Variants in BCR observed in about 807,000 individuals in gnomAD.
The protein encoded by BCR is breakpoint cluster region protein.
Under a neutral mutation model 138.6 loss-of-function variants are expected in BCR, and 58 were observed. The ratio of observed to expected loss-of-function variants is 0.42; its 90% confidence interval spans 0.34 to 0.52. The LOEUF (loss-of-function observed/expected upper bound fraction) is 0.52. Among genes scored for constraint, BCR ranks in the 20% least tolerant of loss-of-function variants. The pLI is 0.06. For missense variants in BCR, 1,599 were observed against 1,727.2 expected, an observed-to-expected ratio of 0.93 and a Z score of 1.32; for synonymous variants, 786 against 730.1, an observed-to-expected ratio of 1.08 and a Z score of -1.23.
chr22:23,290,380 G>T lies in BCR; in HGVS notation c.2749G>T (p.Val917Phe). The change falls in exon 14 of 23, where the codon GTC becomes TTC. Residue 917 changes from valine (V) to phenylalanine (F), a missense_variant. Val to Phe is a conservative substitution (Grantham distance 50). Around this residue, in one of 4 missense-constraint regions of BCR, gnomAD observed 590 missense variants for 762.4 expected, o/e 0.77. Transcript: ENST00000305877. ...PGLYGFLNVI[V>F]HSATGFKQSS... Reference sequence around the variant, plus strand: ...GCTCTATGGGTTTCTGAATGTCATCGTCCACTCAGCCACTGGATTTAAGCA... The same window carrying T: ...GCTCTATGGGTTTCTGAATGTCATCTTCCACTCAGCCACTGGATTTAAGCA... The T allele has an allele frequency of 1.2e-6, 2 of 1,614,108 alleles. No individual in the cohort carries two copies. Among genetic ancestry groups the T allele is most frequent in the Non-Finnish European group, 1.7e-6 (2 of 1,179,986 alleles).
chr22:23,290,305 C>T, intron 13 of BCR, 34 bp from the exon 14 acceptor site: 1 of 1,598,938 alleles, frequency 6.3e-7, no homozygotes, highest in Non-Finnish European at 8.6e-7. Context: ...TTTCCCGGGA[C>T]AACAGAAGCT....
At chr22:23,274,064 AT>A (rs961502127) in intron 8 of BCR, among the ~76,000 whole-genome samples, 2 of 144,926 alleles carry the variant, frequency 1.4e-5, no homozygotes, top group Non-Finnish European at 3.1e-5. Context: ...CTTTTTTTTT[AT>A]CCCCCACAGT....
rs373700296 is a variant in BCR at position 23,263,155 on chromosome 22, A to G, written c.1752+1615A>G. On this transcript the variant is annotated intron_variant, in intron 4 of 22. Transcript: ENST00000305877. ...GCGGCCATGGCGGCGGCAGCCAGGG[A>G]GGAGGAGGAGGAGGCGGCTCGGGAG... is the stretch of plus-strand genomic sequence containing the variant. 6.5e-5 allele frequency: 43 copies of G among 656,852 alleles called. No homozygotes were observed. In the East Asian group the frequency reaches 8.3e-4, roughly 13 times the overall value. 40.7% of individuals were successfully genotyped at this position (656,852 alleles called of 1,614,324 possible).
At chr22:23,191,035 C>T (rs1488474069) in intron 1 of BCR, among the ~76,000 whole-genome samples, 5 of 151,870 alleles carry the variant, frequency 3.3e-5, no homozygotes, top group Non-Finnish European at 5.9e-5. Flanking sequence ...CGGGCTCAAG[C>T]GATCCTCTCT....
chr22:23,187,609 C>G (rs967509342), intron 1 of BCR, among the ~76,000 whole-genome samples: 25 of 151,930 alleles, frequency 1.6e-4, no homozygotes, highest in Admixed American at 8.5e-4. Flanking sequence ...GCTGGAATTA[C>G]AGGCGTGAGC....
chr22:23,195,615 G>A (rs2072470044), intron 1 of BCR, among the ~76,000 whole-genome samples: 2 of 151,198 alleles, frequency 1.3e-5, no homozygotes, highest in African/African-American at 4.9e-5. Context: ...GGCCGGGCGC[G>A]GTGGCTCGCG....
At chr22:23,304,086 A>G (rs907404269) in intron 16 of BCR, among the ~76,000 whole-genome samples, 1 of 144,344 alleles carries the variant, frequency 6.9e-6, no homozygotes, top group African/African-American at 2.6e-5. Flanking sequence ...GGCATGCGCC[A>G]CCATGCCAGG....
At chr22:23,215,288 C>T (rs1295413817) in intron 1 of BCR, among the ~76,000 whole-genome samples, 1 of 152,188 alleles carries the variant, frequency 6.6e-6, no homozygotes, top group African/African-American at 2.4e-5. Context: ...GCTGTGAACA[C>T]GGGTATACAT....
At position 23,237,975 on chromosome 22, in the gene BCR, G is replaced by A. The variant is rs537885261; in HGVS notation, c.1280-15824G>A. ...GAGTGCGTGAACAGGTGAGGCTTCC[G>A]GTAATTATGACAAGTGATGCTTGTG... On this transcript the variant is annotated intron_variant, in intron 1 of 22. Transcript: ENST00000305877. Among the ~76,000 whole-genome samples the A allele has an allele frequency of 5.3e-5, 8 of 152,358 alleles. No individual in the cohort carries two copies. The East Asian group carries it at 1.2e-3, about 22-fold the overall frequency.
intron 2 of BCR, chr22:23,254,653 C>T: frequency 2.0e-6 from 1 of 512,708 alleles, no homozygotes; most frequent in Non-Finnish European, 3.9e-6. Flanking sequence ...AGTTCTGATT[C>T]CTCTTGCTGG....
intron 1 of BCR, among the ~76,000 whole-genome samples, chr22:23,230,295 T>C (rs1230647796): frequency 6.6e-6 from 1 of 152,224 alleles, no homozygotes; most frequent in Non-Finnish European, 1.5e-5. Flanking sequence ...TTTTTCCATC[T>C]TGCCTGGAAT....
At chr22:23,309,533 G>T in intron 17 of BCR, 50 bp downstream of exon 17, 1 of 1,526,538 alleles carries the variant, frequency 6.6e-7, no homozygotes. Context: ...AGAAGGATAG[G>T]GTGGCCTCTG....
intron 5 of BCR, among the ~76,000 whole-genome samples, chr22:23,271,206 T>C (rs1266181635): frequency 1.3e-5 from 2 of 152,230 alleles, no homozygotes; most frequent in African/African-American, 4.8e-5. Context: ...AAGGCAGACG[T>C]GCTCCTGTAC....
chr22:23,213,103 C>T (rs182621761), intron 1 of BCR, among the ~76,000 whole-genome samples: 28 of 152,296 alleles, frequency 1.8e-4, no homozygotes, highest in Middle Eastern at 6.8e-3. Flanking sequence ...TTTGTTCTGA[C>T]GCTTGGGCTC....
intron 1 of BCR, among the ~76,000 whole-genome samples, chr22:23,253,429 T>G (rs894607698): frequency 1.3e-5 from 2 of 152,192 alleles, no homozygotes; most frequent in Non-Finnish European, 2.9e-5. Context: ...CAGCCACCTG[T>G]CATTTACTAG....
intron 1 of BCR, among the ~76,000 whole-genome samples, chr22:23,193,512 A>G (rs1007219919): frequency 6.6e-6 from 1 of 152,184 alleles, no homozygotes; most frequent in African/African-American, 2.4e-5. Context: ...ATAATTTAGT[A>G]TGGACATTTC....
intron 4 of BCR, chr22:23,265,065 G>A (rs1188920555): frequency 1.3e-5 from 2 of 152,094 alleles, no homozygotes; most frequent in African/African-American, 2.4e-5. Context: ...TGTTGTTGGG[G>A]GGAAAAAAAC....
chr22:23,270,357 C>G (rs951232792), intron 5 of BCR, among the ~76,000 whole-genome samples: 2 of 152,146 alleles, frequency 1.3e-5, no homozygotes, highest in Non-Finnish European at 2.9e-5. Context: ...TTGGGAAATG[C>G]AGGGTTAAAC....
Position 23,287,146 on chromosome 22 carries a change from C to A in BCR, c.2407-13C>A. On this transcript the variant is annotated splice_polypyrimidine_tract_variant and intron_variant, in intron 10 of 22. Coordinates refer to ENST00000305877, the MANE Select transcript of BCR (RefSeq NM_004327.4). ...CTGGAATGGGAAGGTGAGGCTGTGG[C>A]ATCTCCCCACAGAGGGCGAACAAGG... 1 of 1,574,502 alleles carries A rather than the reference C, an allele frequency of 6.4e-7. No individual in the cohort carries two copies. Among genetic ancestry groups the A allele is most frequent in the Non-Finnish European group, 8.6e-7 (1 of 1,159,238 alleles).
Sources: gnomAD v4.1 joint callset for allele counts (sites outside exome capture counted in the v4.1 genomes callset) on GRCh38, gnomAD v4.1.1 for gene constraint, gnomAD v4.1.1 regional missense constraint, MANE v1.5 for transcripts, NCBI Gene and HGNC (gene_info 2026-07-23, HGNC 2026-07-21) for gene names.